Variants in PIK3C2G observed in about 807,000 individuals in gnomAD.
PIK3C2G encodes the protein phosphatidylinositol 3-kinase C2 domain-containing subunit gamma.
In PIK3C2G, 168 loss-of-function variants were observed where a neutral mutation model predicts 181.1. The ratio of observed to expected loss-of-function variants is 0.93; its 90% CI spans 0.82 to 1.05. The LOEUF is 1.05. Among genes scored for constraint, PIK3C2G ranks in the 50% least tolerant of loss-of-function variants. The probability of loss-of-function intolerance (pLI) is 0.00; values close to 1 mark genes in which losing one functional copy is unlikely to be tolerated. For synonymous variants in PIK3C2G, 573 were observed against 592.2 expected, an observed-to-expected ratio of 0.97 and a Z score of 0.47; for missense variants, 1,869 against 1,732.8, an observed-to-expected ratio of 1.08 and a Z score of -1.40.
intron 9 of PIK3C2G, among the ~76,000 whole-genome samples, chr12:18,340,900 T>C (rs765258020): frequency 1.1e-4 from 16 of 152,186 alleles, no homozygotes; most frequent in Non-Finnish European, 2.2e-4. Flanking sequence ...ATGAAGGCTT[T>C]AATTCACACA....
At chr12:18,530,111 A>G (rs1475227761) in intron 24 of PIK3C2G, among the ~76,000 whole-genome samples, 1 of 152,166 alleles carries the variant, frequency 6.6e-6, no homozygotes, top group African/African-American at 2.4e-5. Flanking sequence ...CCTCTCAAGC[A>G]TAAACCTCAG....
chr12:18,532,666 C>T (rs887057946), intron 24 of PIK3C2G, among the ~76,000 whole-genome samples: 4 of 152,072 alleles, frequency 2.6e-5, no homozygotes, highest in Non-Finnish European at 5.9e-5. Flanking sequence ...TTATTCTGTT[C>T]CATTAGCCTA....
intron 1 of PIK3C2G, among the ~76,000 whole-genome samples, 195 bp downstream of exon 1, chr12:18,261,772 A>T (rs975662954): frequency 1.3e-5 from 2 of 152,016 alleles, no homozygotes; most frequent in Non-Finnish European, 2.9e-5. Flanking sequence ...CCCAAAATCT[A>T]CAACCAGAAG....
chr12:18,634,063 C>T (rs1409641409), intron 31 of PIK3C2G, among the ~76,000 whole-genome samples: 3 of 152,132 alleles, frequency 2.0e-5, no homozygotes, highest in African/African-American at 4.8e-5. Flanking sequence ...AATCTTGCTG[C>T]AGCCTGGCAA....
intron 18 of PIK3C2G, among the ~76,000 whole-genome samples, chr12:18,451,260 G>T (rs1005429342): frequency 6.6e-6 from 1 of 152,048 alleles, no homozygotes; most frequent in Non-Finnish European, 1.5e-5. Flanking sequence ...CCTGAGCGGT[G>T]GTTTGTAGTT....
intron 24 of PIK3C2G, among the ~76,000 whole-genome samples, chr12:18,527,210 T>C (rs554225367): frequency 6.6e-6 from 1 of 152,240 alleles, no homozygotes; most frequent in Non-Finnish European, 1.5e-5. Flanking sequence ...CTTGCCAATA[T>C]AAGGATCTCA....
chr12:18,338,342 T>C, intron 8 of PIK3C2G, 84 bp from the exon 9 acceptor site: 4 of 1,090,500 alleles, frequency 3.7e-6, no homozygotes, highest in South Asian at 3.2e-5. Flanking sequence ...TTGCTCCTCA[T>C]GGAAAAAGAA....
chr12:18,557,872 G>A lies in PIK3C2G; in HGVS notation c.3591-4831G>A, dbSNP rs114205388. ...TATGCAAGACCAAACTAAATAGAAC[G>A]ATATACCACATTCGTGAACTGAATG... On this transcript the variant is annotated intron_variant, in intron 26 of 32. Transcript: ENST00000538779. Among the ~76,000 whole-genome samples the A allele has an allele frequency of 7.5e-3, 1,141 of 152,150 alleles. 11 individuals carry two copies. Among genetic ancestry groups the A allele is most frequent in the African/African-American group, 0.026 (1,080 of 41,516 alleles).
At chr12:18,585,276 G>T (rs915767827) in intron 29 of PIK3C2G, among the ~76,000 whole-genome samples, 6 of 152,008 alleles carry the variant, frequency 3.9e-5, no homozygotes, top group Non-Finnish European at 8.8e-5. Flanking sequence ...CCAGTGGTAT[G>T]CTATCTTTAA....
chr12:18,658,853 A>T, the PIK3C2G span, among the ~76,000 whole-genome samples: 1 of 152,212 alleles, frequency 6.6e-6, no homozygotes, highest in South Asian at 2.1e-4. Context: ...AAAGTGAATT[A>T]TTCTATTTGA....
At chr12:18,587,497 A>G (rs186522025) in intron 29 of PIK3C2G, among the ~76,000 whole-genome samples, 196 of 152,294 alleles carry the variant, frequency 1.3e-3, no homozygotes, top group Non-Finnish European at 1.2e-3. Context: ...ACAACTAACC[A>G]GAGAGGTGAA....
At chr12:18,252,385 A>G (rs61914485) in intron 1 of PIK3C2G, among the ~76,000 whole-genome samples, 1,624 of 152,282 alleles carry the variant, frequency 0.011, 19 homozygotes, top group Non-Finnish European at 0.015. Flanking sequence ...ATAATATATG[A>G]CAATAATGTG....
intron 24 of PIK3C2G, among the ~76,000 whole-genome samples, chr12:18,533,941 C>CTTTTTTTT (rs542327503): frequency 1.4e-4 from 13 of 91,496 alleles, no homozygotes; most frequent in African/African-American, 3.9e-4. Flanking sequence ...CCTGCTATTT[C>CTTTTTTTT]TTTTTTTTTT....
chr12:18,629,592 AGAG>A (rs1555156408), intron 31 of PIK3C2G, among the ~76,000 whole-genome samples: 1 of 152,194 alleles, frequency 6.6e-6, no homozygotes, highest in Non-Finnish European at 1.5e-5. Context: ...AGTTGGGAGT[AGAG>A]GGGATAAAGA....
At chr12:18,724,248 A>C in the PIK3C2G span, among the ~76,000 whole-genome samples, 1 of 152,130 alleles carries the variant, frequency 6.6e-6, no homozygotes, top group Non-Finnish European at 1.5e-5. Flanking sequence ...GGAGGTGGTG[A>C]ATAGACACTA....
chr12:18,255,260 C>G (rs952427442), intron 1 of PIK3C2G, among the ~76,000 whole-genome samples: 4 of 130,930 alleles, frequency 3.1e-5, no homozygotes, highest in Non-Finnish European at 5.3e-5. Context: ...AATAAACAAA[C>G]AAACAAACAA....
the PIK3C2G span, among the ~76,000 whole-genome samples, chr12:18,722,725 T>C: frequency 1.3e-5 from 2 of 152,100 alleles, no homozygotes; most frequent in Admixed American, 6.6e-5. Flanking sequence ...GACAGATCGT[T>C]AGCCTAAATG....
At chr12:18,579,971 A>G (rs1169572284) in intron 29 of PIK3C2G, among the ~76,000 whole-genome samples, 3 of 152,082 alleles carry the variant, frequency 2.0e-5, no homozygotes, top group African/African-American at 7.2e-5. Context: ...TGTGTCTACT[A>G]AAAATACAAA....
At chr12:18,576,631 A>G (rs56165697) in intron 29 of PIK3C2G, among the ~76,000 whole-genome samples, 3,884 of 152,330 alleles carry the variant, frequency 0.025, 58 homozygotes, top group Middle Eastern at 0.065. Flanking sequence ...CATTCTCAAT[A>G]TAAAATTATA....
Sources: gnomAD v4.1 joint callset for allele counts (sites outside exome capture counted in the v4.1 genomes callset) on GRCh38, gnomAD v4.1.1 for gene constraint, MANE v1.5 for transcripts, NCBI Gene and HGNC (gene_info 2026-07-23, HGNC 2026-07-21) for gene names.